C1QL1: variants seen among roughly 807,000 people sequenced by gnomAD.
C1QL1 encodes the protein complement C1q like 1, also known as C1q-related factor.
Under a neutral mutation model 14.2 loss-of-function variants are expected in C1QL1, and 15 were observed. The observed-to-expected ratio is 1.06, with a 90% CI of 0.71 to 1.62. The LOEUF (loss-of-function observed/expected upper bound fraction) is 1.62, where lower values mean the gene tolerates loss of function less well. Ranked by LOEUF, C1QL1 falls within the 40% of genes most tolerant of loss-of-function variation. C1QL1 has a pLI of 0.00. For synonymous variants in C1QL1, 172 were observed against 172.4 expected (o/e 1.00, Z 0.02); for missense variants, 346 against 380.3 (o/e 0.91, Z 0.75).
At position 44,967,887 on chromosome 17, in the gene C1QL1, C is replaced by T. The variant is rs2052666870; in HGVS notation, c.162G>A (p.Glu54=). The T allele has an allele frequency of 6.3e-6, 8 of 1,272,874 alleles. No individual in the cohort carries two copies. The South Asian group carries it at 2.1e-4, about 33-fold the overall frequency. 78.8% of individuals were successfully genotyped at this position (1,272,874 alleles called of 1,614,324 possible). A position where few individuals can be genotyped will look rare whatever the true frequency, so the allele number is the denominator to read the frequency against. ...ARTDGGDALS[E]QSGAPPPSTL... ...TGGAAGGCGGGGGCGCGCCGCTCTGCTCGCTCAGGGCGTCGCCGCCGTCGG... is the reference window on the plus strand; with the variant it reads ...TGGAAGGCGGGGGCGCGCCGCTCTGTTCGCTCAGGGCGTCGCCGCCGTCGG... The change falls in exon 1 of 2, where the codon GAG becomes GAA. Residue 54 remains glutamate, a synonymous_variant. Coordinates refer to ENST00000253407, the MANE Select transcript of C1QL1 (RefSeq NM_006688.5). The surrounding 1 kb of genome is among the most constrained non-coding windows in gnomAD (Gnocchi z 7.0).
intron 1 of C1QL1, among the ~76,000 whole-genome samples, chr17:44,961,034 C>T (rs1432412213): frequency 6.6e-6 from 1 of 152,242 alleles, no homozygotes; most frequent in African/African-American, 2.4e-5. Context: ...CTCCATGGAG[C>T]TGTAGCTATG....
Position 44,967,733 on chromosome 17 carries a change from C to A in C1QL1, c.316G>T (p.Gly106Cys). The A allele has an allele frequency of 6.2e-7, 1 of 1,603,272 alleles. No homozygotes were observed. The highest frequency in any genetic ancestry group is 8.5e-7 in the Non-Finnish European group (1 of 1,176,914). The part of the protein sequence containing the change: ...PGEKGEPGKP[G>C]PPGLPGAGGS... ...CCCGCGCCCGGCAGCCCCGGAGGGCCCGGCTTGCCTGGCTCACCCTTCTCC... is the reference window on the plus strand; with the variant it reads ...CCCGCGCCCGGCAGCCCCGGAGGGCACGGCTTGCCTGGCTCACCCTTCTCC... The change falls in exon 1 of 2, where the codon GGC becomes TGC. Residue 106 changes from glycine (G) to cysteine (C), a missense_variant. Transcript: ENST00000253407. This position sits in a 1 kb window ranked among gnomAD's most constrained non-coding sequence, Gnocchi z 7.0.
chr17:44,962,774 T>A (rs569204122), intron 1 of C1QL1, among the ~76,000 whole-genome samples: 65 of 152,358 alleles, frequency 4.3e-4, no homozygotes, highest in Non-Finnish European at 7.6e-4. Flanking sequence ...TAAAACAGTG[T>A]GCTCCTTAAT....
Position 44,960,206 on chromosome 17 carries a change from G to A in C1QL1, c.759C>T (p.Phe253=), listed in dbSNP as rs778830519. Residue 253 remains phenylalanine (F), a synonymous_variant, in exon 2 of 2, where the codon TTC becomes TTT. Transcript: ENST00000253407. The stretch of plus-strand genomic sequence containing the variant: ...GGGGAGCTCAGTCGGAGTAGATGAT[G>A]AAGCCAGAGAACGTGCTGTATTTGT... ...NSNKYSTFSG[F]IIYSD 10 of 1,614,046 alleles carry A rather than the reference G, an allele frequency of 6.2e-6. No homozygotes were observed. The African/African-American group carries it at 1.1e-4, about 17-fold the overall frequency.
Position 44,967,397 on chromosome 17 carries a change from C to T in C1QL1, c.597+55G>A, listed in dbSNP as rs2143029063. The T allele has an allele frequency of 1.9e-6, 3 of 1,556,480 alleles. No homozygotes were observed. The highest frequency in any genetic ancestry group is 1.1e-5 in the South Asian group (1 of 88,360). On this transcript the variant is annotated intron_variant, in intron 1 of 1. Coordinates refer to ENST00000253407, the MANE Select transcript of C1QL1 (RefSeq NM_006688.5). This position sits in a 1 kb window ranked among gnomAD's most constrained non-coding sequence, Gnocchi z 7.0. ...ACTCCGATCAGGTACCCATTTGCCC[C>T]GGGCTCCCTGGGTGCCCTGGGCCCA...
At chr17:44,966,316 C>G (rs925659618) in intron 1 of C1QL1, among the ~76,000 whole-genome samples, 3 of 152,200 alleles carry the variant, frequency 2.0e-5, no homozygotes, top group Admixed American at 2.0e-4. Flanking sequence ...GCTGGCAGAG[C>G]CTCAGGGCAG....
In C1QL1 at chr17:44,967,835, G is replaced by C; in HGVS notation, c.214C>G (p.Pro72Ala). 7.2e-7 allele frequency: 1 copy of C among 1,384,432 alleles called. No homozygotes were observed. The highest frequency in any genetic ancestry group is 9.2e-7 in the Non-Finnish European group (1 of 1,081,526). 85.8% of individuals were successfully genotyped at this position (1,384,432 alleles called of 1,614,324 possible). ...GGGCCGGGCTTGCCGGTGCGGCCCGGCTTCCCCTGGGGGCCCTGCACCAGC... is the reference window on the plus strand; with the variant it reads ...GGGCCGGGCTTGCCGGTGCGGCCCGCCTTCCCCTGGGGGCCCTGCACCAGC... ...STLVQGPQGK[P>A]GRTGKPGPPG... The change falls in exon 1 of 2, where the codon CCG (proline) becomes GCG (alanine). Residue 72 changes from proline (P) to alanine (A), a missense_variant. Coordinates refer to ENST00000253407, the MANE Select transcript of C1QL1 (RefSeq NM_006688.5). The surrounding 1 kb of genome is among the most constrained non-coding windows in gnomAD (Gnocchi z 7.0).
chr17:44,960,741 C>T (rs1473036505), intron 1 of C1QL1, among the ~76,000 whole-genome samples: 2 of 152,220 alleles, frequency 1.3e-5, no homozygotes, highest in African/African-American at 4.8e-5. Flanking sequence ...AATGGAGGGC[C>T]TTCCCTACTC....
At chr17:44,962,148 C>T (rs2052631621) in intron 1 of C1QL1, among the ~76,000 whole-genome samples, 1 of 151,992 alleles carries the variant, frequency 6.6e-6, no homozygotes, top group African/African-American at 2.4e-5. Flanking sequence ...TCTATCCTGT[C>T]CCTTCACTGA....
At chr17:44,963,143 G>A (rs2052637033) in intron 1 of C1QL1, among the ~76,000 whole-genome samples, 1 of 152,192 alleles carries the variant, frequency 6.6e-6, no homozygotes, top group Non-Finnish European at 1.5e-5. Flanking sequence ...GGGCTGCCAG[G>A]AGGGGAAACT....
intron 1 of C1QL1, among the ~76,000 whole-genome samples, chr17:44,961,879 C>T (rs187055033): frequency 0.091 from 11,112 of 122,116 alleles, 488 homozygotes; most frequent in Middle Eastern, 0.28. Context: ...GGCGACAGAG[C>T]GAGACTCCGT....
rs141571024 is a variant in C1QL1, at chr17:44,960,286, C to T, written c.679G>A (p.Gly227Ser). The T allele has an allele frequency of 9.9e-6, 16 of 1,614,158 alleles. No individual in the cohort carries two copies. The highest frequency in any genetic ancestry group is 1.7e-4 in the Middle Eastern group (1 of 6,052). Reference sequence around the variant, plus strand: ...TCCAGCTTGATGAAGACCTCGTCGCCGGCGTCCAGGTGCAGGATCACGCTG... The same window carrying T: ...TCCAGCTTGATGAAGACCTCGTCGCTGGCGTCCAGGTGCAGGATCACGCTG... ...SNSVILHLDA[G>S]DEVFIKLDGG... Residue 227 changes from glycine to serine, a missense_variant, in exon 2 of 2, where the codon GGC becomes AGC. Physicochemically the swap from Gly to Ser is moderately conservative, Grantham distance 56. Transcript: ENST00000253407.
rs528986106 is a variant in C1QL1, at chr17:44,961,609, A to G, written c.598-1242T>C. 5.1e-5 allele frequency among the ~76,000 whole-genome samples: 7 copies of G among 138,192 alleles called. No individual in the cohort carries two copies. In the South Asian group the frequency reaches 1.6e-3, roughly 31 times the overall value. 90.7% of individuals were successfully genotyped at this position (138,192 alleles called of 152,430 possible). On this transcript the variant is annotated intron_variant, in intron 1 of 1. Transcript: ENST00000253407. Reference sequence around the variant, plus strand: ...TCAGTCTCAAAAAAAAAAAAAGGCCAGGCGCGGTGGCTCACGCCTGTAATC... The same window carrying G: ...TCAGTCTCAAAAAAAAAAAAAGGCCGGGCGCGGTGGCTCACGCCTGTAATC...
Position 44,960,272 on chromosome 17 carries a change from G to A in C1QL1, c.693C>T (p.Phe231=). Residue 231 remains phenylalanine (F), a synonymous_variant, in exon 2 of 2, where the codon TTC becomes TTT. Transcript: ENST00000253407. ...ILHLDAGDEV[F]IKLDGGKAHG... ...GTGCTTTGCCTCCATCCAGCTTGAT[G>A]AAGACCTCGTCGCCGGCGTCCAGGT... 1 of 1,614,178 alleles carries A rather than the reference G, an allele frequency of 6.2e-7. No individual in the cohort carries two copies. Among genetic ancestry groups the A allele is most frequent in the African/African-American group, 1.3e-5 (1 of 75,072 alleles).
rs1313531893 is a variant in C1QL1, at chr17:44,967,026, T to A, written c.597+426A>T. Among the ~76,000 whole-genome samples the A allele has an allele frequency of 6.6e-6, 1 of 152,062 alleles. No homozygotes were observed. The highest frequency in any genetic ancestry group is 1.5e-5 in the Non-Finnish European group (1 of 67,974). ...CCGCTCGCGCCCATGGCCACGCGCCTAGGCGCCCGCGGGCGCGGATGCTGC... is the reference window on the plus strand; with the variant it reads ...CCGCTCGCGCCCATGGCCACGCGCCAAGGCGCCCGCGGGCGCGGATGCTGC... On this transcript the variant is annotated intron_variant, in intron 1 of 1. Transcript: ENST00000253407. This position sits in a 1 kb window ranked among gnomAD's most constrained non-coding sequence, Gnocchi z 7.0.
In C1QL1 at chr17:44,967,451, C is replaced by G. The variant is rs773787224; in HGVS notation, c.597+1G>C. 1 of 1,613,228 alleles carries G rather than the reference C, an allele frequency of 6.2e-7. No individual in the cohort carries two copies. Among genetic ancestry groups the G allele is most frequent in the East Asian group, 2.2e-5 (1 of 44,838 alleles). ...CAGCCCCATGCCCCCGCCTGGCCCA[C>G]CTGGCCATTCTTGCAGAGGTCTGCC... is the stretch of plus-strand genomic sequence containing the variant. On this transcript the variant is annotated splice_donor_variant, in intron 1 of 1. Coordinates refer to ENST00000253407, the MANE Select transcript of C1QL1 (RefSeq NM_006688.5). LOFTEE classifies it high-confidence loss of function. This position sits in a 1 kb window ranked among gnomAD's most constrained non-coding sequence, Gnocchi z 7.0.
intron 1 of C1QL1, among the ~76,000 whole-genome samples, chr17:44,961,384 G>C (rs111823279): frequency 0.013 from 1,921 of 151,952 alleles, 17 homozygotes; most frequent in Non-Finnish European, 0.021. Context: ...TTTGAGGTCA[G>C]GAGTTCGAGA....
intron 1 of C1QL1, among the ~76,000 whole-genome samples, chr17:44,963,248 G>T (rs759545355): frequency 2.0e-5 from 3 of 152,178 alleles, no homozygotes; most frequent in Admixed American, 1.3e-4. Context: ...GTGTACAGAT[G>T]TGGCTCCCAT....
chr17:44,967,399 G>C lies in C1QL1; in HGVS notation c.597+53C>G. On this transcript the variant is annotated intron_variant, in intron 1 of 1. Transcript: ENST00000253407. The surrounding 1 kb of genome is among the most constrained non-coding windows in gnomAD (Gnocchi z 7.0). Reference sequence around the variant, plus strand: ...TCCGATCAGGTACCCATTTGCCCCGGGCTCCCTGGGTGCCCTGGGCCCAGC... The same window carrying C: ...TCCGATCAGGTACCCATTTGCCCCGCGCTCCCTGGGTGCCCTGGGCCCAGC... 3 of 1,567,344 alleles carry C rather than the reference G, an allele frequency of 1.9e-6. No homozygotes were observed. Among genetic ancestry groups the C allele is most frequent in the Non-Finnish European group, 2.6e-6 (3 of 1,151,342 alleles).
Sources: gnomAD v4.1 joint callset for allele counts (sites outside exome capture counted in the v4.1 genomes callset) on GRCh38, gnomAD v4.1.1 for gene constraint, Gnocchi (gnomAD v3.1) non-coding constraint, MANE v1.5 for transcripts, NCBI Gene and HGNC (gene_info 2026-07-23, HGNC 2026-07-21) for gene names.